The following HMGN5 variants were observed in gnomAD, a reference collection of about 807,000 sequenced individuals.
HMGN5 encodes high mobility group nucleosome binding domain 5, also known as high mobility group nucleosome-binding domain-containing protein 5.
HMGN5 carries 4 observed loss-of-function variants against 9.5 expected under a neutral mutation model. That is an observed-to-expected ratio of 0.42 (90% CI 0.21 to 0.96). The LOEUF is 0.96. Ranked by LOEUF, HMGN5 falls within the 40% of genes least tolerant of loss-of-function variation. The pLI is 0.30. For synonymous variants in HMGN5, 55 were observed against 57.1 expected (o/e 0.96, Z 0.16); for missense variants, 192 against 187.5 (o/e 1.02, Z -0.14).
chrX:81,149,412 A>T (rs996472962), intron 1 of HMGN5, among the ~76,000 whole-genome samples: 1 of 111,605 alleles, frequency 9.0e-6, no homozygotes, highest in Non-Finnish European at 1.9e-5. Context: ...CTCACTCATA[A>T]GAGGGAGTTG....
At chrX:81,152,721 A>G (rs1396459189) in intron 1 of HMGN5, among the ~76,000 whole-genome samples, 1 of 109,983 alleles carries the variant, frequency 9.1e-6, no homozygotes, top group African/African-American at 3.3e-5. Flanking sequence ...CACTATTCAC[A>G]ATAGCAAAGA....
At chrX:81,161,272 A>G (rs778920251) in intron 1 of HMGN5, among the ~76,000 whole-genome samples, 1 of 111,056 alleles carries the variant, frequency 9.0e-6, no homozygotes, top group Non-Finnish European at 1.9e-5. Flanking sequence ...AGTGATATGG[A>G]AAAACCACAG....
intron 1 of HMGN5, among the ~76,000 whole-genome samples, chrX:81,154,123 G>A (rs1222046536): frequency 1.8e-5 from 2 of 110,770 alleles, no homozygotes; most frequent in Non-Finnish European, 3.8e-5. Flanking sequence ...ATTCTACAGA[G>A]CTTTAGTAAT....
chrX:81,118,650 G>T, intron 4 of HMGN5, 80 bp downstream of exon 4: 1 of 913,477 alleles, frequency 1.1e-6, no homozygotes, highest in Non-Finnish European at 1.5e-6. Flanking sequence ...AATAAATCGT[G>T]TATTGAATAT....
At chrX:81,182,118 G>C (rs181976735) in intron 1 of HMGN5, among the ~76,000 whole-genome samples, 1 of 111,294 alleles carries the variant, frequency 9.0e-6, no homozygotes, top group African/African-American at 3.3e-5. Flanking sequence ...TGTTATTGCC[G>C]GTCTTTGGAT....
At chrX:81,188,060 C>A (rs1287298782) in intron 1 of HMGN5, among the ~76,000 whole-genome samples, 2 of 109,396 alleles carry the variant, frequency 1.8e-5, no homozygotes, top group African/African-American at 3.3e-5. Flanking sequence ...CTACTTATAT[C>A]TTATTGTACT....
intron 1 of HMGN5, among the ~76,000 whole-genome samples, chrX:81,174,088 C>G (rs1341262642): frequency 3.6e-5 from 4 of 110,745 alleles, no homozygotes; most frequent in Non-Finnish European, 7.6e-5. Context: ...TGATCACTCT[C>G]TAGTAAAATA....
chrX:81,157,946 C>A (rs2075387652), intron 1 of HMGN5, among the ~76,000 whole-genome samples: 1 of 109,935 alleles, frequency 9.1e-6, no homozygotes, highest in Admixed American at 9.7e-5. Context: ...TGCCCGGCTA[C>A]TTTTTTTGTA....
At chrX:81,119,529 C>T (rs1184485085) in intron 3 of HMGN5, among the ~76,000 whole-genome samples, 1 of 111,764 alleles carries the variant, frequency 8.9e-6, no homozygotes, top group Non-Finnish European at 1.9e-5. Flanking sequence ...ATTAGCACAT[C>T]TCTATTGTCA....
At position 81,147,567 on chromosome X, in the gene HMGN5, G is replaced by A. The variant is rs180996514; in HGVS notation, c.-123-25895C>T. On this transcript the variant is annotated intron_variant, in intron 1 of 6. Transcript: ENST00000358130. ...ACTAGAAGCATTCCCTTTGAAAACC[G>A]GCACAAGACAAGGATGCCCTCTCTC... 4.5e-5 allele frequency among the ~76,000 whole-genome samples: 5 copies of A among 111,341 alleles called. No individual in the cohort carries two copies. In the South Asian group the frequency reaches 1.1e-3, roughly 25 times the overall value.
At chrX:81,135,090 A>G (rs2075307647) in intron 1 of HMGN5, among the ~76,000 whole-genome samples, 1 of 111,783 alleles carries the variant, frequency 8.9e-6, no homozygotes, top group African/African-American at 3.2e-5. Flanking sequence ...TATGACACCA[A>G]GAGCACACTC....
At chrX:81,182,490 A>G (rs1389219783) in intron 1 of HMGN5, among the ~76,000 whole-genome samples, 2 of 111,619 alleles carry the variant, frequency 1.8e-5, no homozygotes, top group Admixed American at 1.9e-4. Context: ...CTCCGTCCCC[A>G]TTGGAGCTGT....
chrX:81,132,816 A>G (rs2075301346), intron 1 of HMGN5, among the ~76,000 whole-genome samples: 1 of 111,882 alleles, frequency 8.9e-6, no homozygotes, highest in Non-Finnish European at 1.9e-5. Flanking sequence ...CACCAAAAGC[A>G]ATCCCAACAA....
In HMGN5 at chrX:81,186,403, T is replaced by C. The variant is rs369761815; in HGVS notation, c.-124+15334A>G. On this transcript the variant is annotated intron_variant, in intron 1 of 6. Transcript: ENST00000358130. ...GATTTTCCAATTGGCATATGGTTGC[T>C]TACAGTAGCCACTAATGATCCTTTG... Among the ~76,000 whole-genome samples, 6 of 112,268 alleles carry C rather than the reference T, an allele frequency of 5.3e-5. No homozygotes were observed. The East Asian group carries it at 1.7e-3, about 31-fold the overall frequency.
intron 1 of HMGN5, among the ~76,000 whole-genome samples, chrX:81,132,214 G>A (rs1351667209): frequency 9.0e-6 from 1 of 111,325 alleles, no homozygotes; most frequent in Non-Finnish European, 1.9e-5. Context: ...AATCAGAGAT[G>A]AAACGAACAA....
intron 1 of HMGN5, among the ~76,000 whole-genome samples, chrX:81,161,017 T>C (rs2075396588): frequency 9.1e-6 from 1 of 109,323 alleles, no homozygotes; most frequent in Non-Finnish European, 1.9e-5. Flanking sequence ...TAGAGGATCT[T>C]CTGGGGTTAA....
chrX:81,199,174 A>G (rs1374226964), intron 1 of HMGN5, among the ~76,000 whole-genome samples: 2 of 111,716 alleles, frequency 1.8e-5, no homozygotes, highest in Non-Finnish European at 3.8e-5. Context: ...CTTACAAGGG[A>G]TGTGAAGGAC....
At chrX:81,193,236 T>G (rs1370530500) in intron 1 of HMGN5, among the ~76,000 whole-genome samples, 6 of 111,795 alleles carry the variant, frequency 5.4e-5, no homozygotes, top group Non-Finnish European at 1.1e-4. Context: ...GGCTGTAAGC[T>G]GCAGTATGAG....
chrX:81,123,355 T>C (rs1016907352), intron 1 of HMGN5, among the ~76,000 whole-genome samples: 2 of 111,410 alleles, frequency 1.8e-5, no homozygotes, highest in African/African-American at 6.5e-5. Context: ...CTAATTCAAG[T>C]AAGTAAATCA....
Sources: allele counts gnomAD v4.1 joint callset (sites outside exome capture counted in the v4.1 genomes callset), GRCh38; gene constraint gnomAD v4.1.1; transcripts MANE v1.5; gene names NCBI Gene and HGNC (gene_info 2026-07-23, HGNC 2026-07-21).